AFF3: variants seen among roughly 807,000 people sequenced by gnomAD.
The protein encoded by AFF3 is ALF transcription elongation factor 3, also known as AF4/FMR2 family member 3.
AFF3 carries 32 observed loss-of-function variants against 129.7 expected under a neutral mutation model. That is an observed-to-expected ratio of 0.25 (90% CI 0.19 to 0.33). AFF3 has a LOEUF of 0.33. Ranked by LOEUF, AFF3 falls within the 10% of genes least tolerant of loss-of-function variation. The pLI is 1.00. For synonymous variants in AFF3, 644 were observed against 635.4 expected, an observed-to-expected ratio of 1.01 and a Z score of -0.20; for missense variants, 1,373 against 1,592.0, an observed-to-expected ratio of 0.86 and a Z score of 2.34.
chr2:99,986,016 T>G (rs1248780041), intron 7 of AFF3, among the ~76,000 whole-genome samples: 1 of 151,680 alleles, frequency 6.6e-6, no homozygotes, highest in Non-Finnish European at 1.5e-5. Context: ...CTGGCTAACA[T>G]GGTGAAACCC....
chr2:99,592,829 G>C (rs1273522167), intron 15 of AFF3, among the ~76,000 whole-genome samples: 1 of 151,986 alleles, frequency 6.6e-6, no homozygotes, highest in Non-Finnish European at 1.5e-5. Flanking sequence ...CCAGATACTT[G>C]GGAGGCTGAG....
chr2:99,850,714 T>C (rs1050647570), intron 7 of AFF3, among the ~76,000 whole-genome samples: 8 of 152,244 alleles, frequency 5.3e-5, no homozygotes, highest in Non-Finnish European at 1.0e-4. Flanking sequence ...AAACGTTGAA[T>C]GGTAAATTTC....
chr2:99,772,490 G>A (rs545534187), intron 8 of AFF3, among the ~76,000 whole-genome samples: 2 of 152,322 alleles, frequency 1.3e-5, no homozygotes, highest in South Asian at 2.1e-4. Context: ...GAGAGAAACA[G>A]AAAGTATTTG....
chr2:99,582,364 C>G (rs778926868), intron 17 of AFF3, among the ~76,000 whole-genome samples: 2 of 152,102 alleles, frequency 1.3e-5, no homozygotes, highest in Non-Finnish European at 2.9e-5. Flanking sequence ...TGGGGGTCCC[C>G]CACTGCAGCT....
chr2:100,069,900 T>C (rs1451655707), intron 4 of AFF3, among the ~76,000 whole-genome samples: 2 of 152,160 alleles, frequency 1.3e-5, no homozygotes, highest in African/African-American at 4.8e-5. Context: ...TATCTCCCCA[T>C]TCTCAGGTAA....
At chr2:99,978,816 G>C (rs185201926) in intron 7 of AFF3, among the ~76,000 whole-genome samples, 67 of 152,268 alleles carry the variant, frequency 4.4e-4, no homozygotes, top group African/African-American at 1.5e-3. Context: ...TTATCTATGC[G>C]GGCAGGCCCT....
chr2:100,087,858 T>C (rs75371288), intron 4 of AFF3, among the ~76,000 whole-genome samples: 22,589 of 148,036 alleles, frequency 0.15, 2,097 homozygotes, highest in East Asian at 0.28. Flanking sequence ...TTAAAGTATA[T>C]AAAAGTATAT....
At chr2:99,725,093 C>T (rs1051773870) in intron 11 of AFF3, among the ~76,000 whole-genome samples, 5 of 151,916 alleles carry the variant, frequency 3.3e-5, no homozygotes, top group Non-Finnish European at 7.4e-5. Flanking sequence ...GACTCAGCCA[C>T]CTGAGTAGCT....
chr2:99,912,831 G>A (rs1472424231), intron 7 of AFF3, among the ~76,000 whole-genome samples: 1 of 152,182 alleles, frequency 6.6e-6, no homozygotes, highest in Non-Finnish European at 1.5e-5. Context: ...ACTTAATTTT[G>A]CAGTACTTTG....
chr2:99,948,148 G>A (rs970295648), intron 7 of AFF3, among the ~76,000 whole-genome samples: 3 of 152,178 alleles, frequency 2.0e-5, no homozygotes, highest in African/African-American at 7.2e-5. Flanking sequence ...GCGGGTCTGC[G>A]CTGATGAGAG....
rs375097034 is a variant in AFF3, at chr2:99,587,246, C to G, written c.2499G>C (p.Lys833Asn). 26 of 1,614,028 alleles carry G rather than the reference C, an allele frequency of 1.6e-5. No individual in the cohort carries two copies. In the African/African-American group the frequency reaches 3.5e-4, roughly 22 times the overall value. ...AGCTGTCTTTCTCTCCCTGGGACTTCTTGATCTCCCTGTAGTCGTCTTCGT... is the reference window on the plus strand; with the variant it reads ...AGCTGTCTTTCTCTCCCTGGGACTTGTTGATCTCCCTGTAGTCGTCTTCGT... ...CDNEDDYREI[K>N]KSQGEKDSSS... Residue 833 changes from lysine (K) to asparagine (N), a missense_variant, in exon 16 of 25, where the codon AAG (lysine) becomes AAC (asparagine). By Grantham distance (94) the Lys-to-Asn change is moderately conservative. Coordinates refer to ENST00000672756, the MANE Select transcript of AFF3 (RefSeq NM_001386135.1).
At chr2:99,658,184 G>A (rs1017524679) in intron 12 of AFF3, among the ~76,000 whole-genome samples, 2 of 152,208 alleles carry the variant, frequency 1.3e-5, no homozygotes, top group Admixed American at 6.5e-5. Context: ...CCCTGTCCAG[G>A]TAAAGGCTCT....
intron 11 of AFF3, among the ~76,000 whole-genome samples, chr2:99,712,936 A>G (rs1277800434): frequency 6.6e-6 from 1 of 152,254 alleles, no homozygotes; most frequent in Admixed American, 6.5e-5. Context: ...CACATGCTGC[A>G]ACATGGATGA....
chr2:99,574,119 G>A (rs1422482948), intron 18 of AFF3, among the ~76,000 whole-genome samples: 1 of 152,196 alleles, frequency 6.6e-6, no homozygotes, highest in Non-Finnish European at 1.5e-5. Context: ...AATAAGATCA[G>A]TTTCTAGGCC....
In AFF3 at chr2:99,549,043, C is replaced by T. The variant is rs1674227845; in HGVS notation, c.*2431G>A. On this transcript the variant is annotated 3_prime_UTR_variant, in exon 25 of 25. Transcript: ENST00000672756. ...CTGCTGGCCCACCTGTCAAATGGGG[C>T]TTCACAGGGAAGCTCATCACATAGA... 8.7e-6 allele frequency: 2 copies of T among 228,744 alleles called. No homozygotes were observed. The highest frequency in any genetic ancestry group is 1.2e-4 in the East Asian group (2 of 16,034). The allele number at this position is 228,744 out of a possible 1,614,324, so 14.2% of individuals were successfully genotyped here.
At chr2:99,861,662 C>T (rs1173167272) in intron 7 of AFF3, among the ~76,000 whole-genome samples, 3 of 152,232 alleles carry the variant, frequency 2.0e-5, no homozygotes, top group South Asian at 4.2e-4. Context: ...ACGCATCATA[C>T]ATAACAAAAG....
chr2:99,761,104 G>A (rs570011251), intron 8 of AFF3, among the ~76,000 whole-genome samples: 9 of 151,146 alleles, frequency 6.0e-5, no homozygotes, highest in South Asian at 4.2e-4. Context: ...GAGAATCCAC[G>A]TATCTGCCTC....
At chr2:100,084,723 A>T (rs1302029852) in intron 4 of AFF3, among the ~76,000 whole-genome samples, 1 of 152,162 alleles carries the variant, frequency 6.6e-6, no homozygotes, top group Non-Finnish European at 1.5e-5. Context: ...CACAACCATA[A>T]AATATGCATA....
intron 7 of AFF3, among the ~76,000 whole-genome samples, chr2:100,005,096 C>T (rs1279149908): frequency 6.6e-6 from 1 of 152,168 alleles, no homozygotes; most frequent in Non-Finnish European, 1.5e-5. Flanking sequence ...TCTCTGCTAA[C>T]CAGACACCAT....
Sources: gnomAD v4.1 joint callset for allele counts (sites outside exome capture counted in the v4.1 genomes callset) on GRCh38, gnomAD v4.1.1 for gene constraint, MANE v1.5 for transcripts, NCBI Gene and HGNC (gene_info 2026-07-23, HGNC 2026-07-21) for gene names.